ARHGAP24: variants seen among roughly 807,000 people sequenced by gnomAD.
The protein encoded by ARHGAP24 is Rho GTPase activating protein 24, also known as rho GTPase-activating protein 24.
Under a neutral mutation model 76.4 loss-of-function variants are expected in ARHGAP24, and 50 were observed. That is an observed-to-expected ratio of 0.65 (90% CI 0.52 to 0.83). The LOEUF is 0.83. Ranked by LOEUF, ARHGAP24 falls within the 40% of genes least tolerant of loss-of-function variation. The pLI, the probability that ARHGAP24 is intolerant of heterozygous loss-of-function variation, is 0.00. For synonymous variants in ARHGAP24, 345 were observed against 323.3 expected (o/e 1.07, Z -0.72); for missense variants, 930 against 914.2 (o/e 1.02, Z -0.22).
intron 4 of ARHGAP24, chr4:85,930,225 G>T: frequency 1.0e-6 from 1 of 984,818 alleles, no homozygotes; most frequent in Non-Finnish European, 1.2e-6. Context: ...CAGATCCAAA[G>T]AGCCTCTTGG....
intron 3 of ARHGAP24, among the ~76,000 whole-genome samples, chr4:85,865,315 T>C (rs1028724562): frequency 2.6e-5 from 4 of 151,878 alleles, no homozygotes; most frequent in African/African-American, 4.8e-5. Context: ...TAAGGTAAAA[T>C]CAATTGTTCT....
In ARHGAP24 at chr4:85,814,160, G is replaced by C. The variant is rs148967399; in HGVS notation, c.268+92188G>C. The stretch of plus-strand genomic sequence containing the variant: ...ACCAGTTTCCTCCCACAACATGTGG[G>C]AATTATGGGAATACAATTCAAGATG... On this transcript the variant is annotated intron_variant, in intron 3 of 9. Coordinates refer to ENST00000395184, the MANE Select transcript of ARHGAP24 (RefSeq NM_001025616.3). 9.8e-3 allele frequency among the ~76,000 whole-genome samples: 1,493 copies of C among 152,102 alleles called. 27 individuals carry two copies. Among genetic ancestry groups the C allele is most frequent in the African/African-American group, 0.034 (1,399 of 41,476 alleles).
At chr4:85,651,021 TAAGCAG>T (rs1260548177) in intron 2 of ARHGAP24, among the ~76,000 whole-genome samples, 1 of 140,666 alleles carries the variant, frequency 7.1e-6, no homozygotes, top group Non-Finnish European at 1.5e-5. Flanking sequence ...ACCTGAAGGA[TAAGCAG>T]AAGTTGGCCT....
At chr4:85,804,766 C>T (rs1322211034) in intron 3 of ARHGAP24, among the ~76,000 whole-genome samples, 1 of 152,084 alleles carries the variant, frequency 6.6e-6, no homozygotes, top group African/African-American at 2.4e-5. Context: ...CTAACCCTTT[C>T]CTGGGTTTTT....
At chr4:85,826,024 T>C (rs933724453) in intron 3 of ARHGAP24, among the ~76,000 whole-genome samples, 2 of 152,168 alleles carry the variant, frequency 1.3e-5, no homozygotes, top group African/African-American at 4.8e-5. Flanking sequence ...CTAGGATTAT[T>C]ATGAGAGCTA....
At chr4:85,803,129 G>T (rs1015296893) in intron 3 of ARHGAP24, among the ~76,000 whole-genome samples, 2 of 152,188 alleles carry the variant, frequency 1.3e-5, no homozygotes, top group Admixed American at 6.5e-5. Context: ...CACACAGTAG[G>T]AGTTCAACAT....
chr4:85,755,908 C>G (rs1170225933), intron 3 of ARHGAP24, among the ~76,000 whole-genome samples: 1 of 152,046 alleles, frequency 6.6e-6, no homozygotes, highest in Admixed American at 6.5e-5. Flanking sequence ...GCTGGGAGTA[C>G]AGGCGTGAGC....
At chr4:85,755,191 C>A (rs1384401493) in intron 3 of ARHGAP24, among the ~76,000 whole-genome samples, 1 of 152,042 alleles carries the variant, frequency 6.6e-6, no homozygotes, top group African/African-American at 2.4e-5. Context: ...ACATTTTTTT[C>A]TTGAATCATA....
chr4:85,732,937 ATGCACC>A (rs1236331836), intron 3 of ARHGAP24, among the ~76,000 whole-genome samples: 5 of 150,452 alleles, frequency 3.3e-5, no homozygotes, highest in African/African-American at 1.2e-4. Flanking sequence ...ACCTCAGATG[ATGCACC>A]TGCCTCGGCC....
chr4:85,882,757 G>A (rs1002851307), intron 3 of ARHGAP24, among the ~76,000 whole-genome samples: 1 of 152,154 alleles, frequency 6.6e-6, no homozygotes, highest in African/African-American at 2.4e-5. Context: ...AACATAAAGG[G>A]ACAATGCTGG....
intron 2 of ARHGAP24, among the ~76,000 whole-genome samples, chr4:85,583,735 C>A (rs1405015425): frequency 1.4e-5 from 2 of 144,030 alleles, no homozygotes; most frequent in Non-Finnish European, 3.0e-5. Context: ...TGAACTCAAA[C>A]AAATTTACAA....
rs578048718 is a variant in ARHGAP24 at position 85,502,287 on chromosome 4, G to T, written c.-21+26728G>T. Among the ~76,000 whole-genome samples, 45 of 152,166 alleles carry T rather than the reference G, an allele frequency of 3.0e-4. No individual in the cohort carries two copies. In the East Asian group the frequency reaches 6.8e-3, roughly 23 times the overall value. On this transcript the variant is annotated intron_variant, in intron 1 of 9. Coordinates refer to ENST00000395184, the MANE Select transcript of ARHGAP24 (RefSeq NM_001025616.3). ...AGTCATTGGTAGCTTGATGGGGATGGCATTGAATCTATAAATTACCTTGGG... is the reference window on the plus strand; with the variant it reads ...AGTCATTGGTAGCTTGATGGGGATGTCATTGAATCTATAAATTACCTTGGG...
intron 3 of ARHGAP24, among the ~76,000 whole-genome samples, chr4:85,783,805 G>T (rs1318524438): frequency 2.0e-5 from 3 of 151,684 alleles, no homozygotes; most frequent in Non-Finnish European, 3.0e-5. Context: ...ATGAGTATTT[G>T]CTAAAGCATT....
intron 3 of ARHGAP24, among the ~76,000 whole-genome samples, chr4:85,821,600 G>A (rs953143833): frequency 1.3e-5 from 2 of 152,126 alleles, no homozygotes; most frequent in African/African-American, 2.4e-5. Context: ...GCCCATGCTG[G>A]TCTTGGACTC....
At chr4:85,590,274 A>G (rs777308353) in intron 2 of ARHGAP24, among the ~76,000 whole-genome samples, 54 of 52,816 alleles carry the variant, frequency 1.0e-3, no homozygotes, top group Middle Eastern at 0.028. Context: ...CATCCCTCCC[A>G]CCCTTCCTTC....
At chr4:85,838,884 CCT>C (rs1289178162) in intron 3 of ARHGAP24, among the ~76,000 whole-genome samples, 2 of 152,150 alleles carry the variant, frequency 1.3e-5, no homozygotes, top group East Asian at 3.9e-4. Flanking sequence ...TTCTGCTCTT[CCT>C]CTCTTTATTT....
chr4:85,914,751 A>C (rs1390346762), intron 3 of ARHGAP24, among the ~76,000 whole-genome samples: 1 of 152,138 alleles, frequency 6.6e-6, no homozygotes, highest in African/African-American at 2.4e-5. Flanking sequence ...CTTTAGTTTT[A>C]AGTTCATTTG....
chr4:85,635,335 G>A (rs1721282400), intron 2 of ARHGAP24, among the ~76,000 whole-genome samples: 1 of 151,606 alleles, frequency 6.6e-6, no homozygotes, highest in Non-Finnish European at 1.5e-5. Flanking sequence ...TCCATTACCT[G>A]GTGATCTAGT....
intron 3 of ARHGAP24, among the ~76,000 whole-genome samples, chr4:85,808,243 T>C (rs1476189778): frequency 1.3e-5 from 2 of 152,232 alleles, no homozygotes; most frequent in African/African-American, 4.8e-5. Context: ...CTAGGGATTA[T>C]AAGCAGGCAT....
Sources: allele counts gnomAD v4.1 joint callset (sites outside exome capture counted in the v4.1 genomes callset), GRCh38; gene constraint gnomAD v4.1.1; transcripts MANE v1.5; gene names NCBI Gene and HGNC (gene_info 2026-07-23, HGNC 2026-07-21).